PHACTR2: variants seen among roughly 807,000 people sequenced by gnomAD.
PHACTR2 encodes chromosome 6 open reading frame 56.
PHACTR2 carries 30 observed loss-of-function variants against 76.0 expected under a neutral mutation model. The ratio of observed to expected loss-of-function variants is 0.39; its 90% CI spans 0.30 to 0.54. PHACTR2 has a LOEUF of 0.54. Ranked by LOEUF, PHACTR2 falls within the 20% of genes least tolerant of loss-of-function variation. The probability of loss-of-function intolerance (pLI) is 0.61; values close to 1 mark genes in which losing one functional copy is unlikely to be tolerated. For missense variants in PHACTR2, 696 were observed against 781.1 expected, an observed-to-expected ratio of 0.89 and a Z score of 1.30; for synonymous variants, 292 against 292.5, an observed-to-expected ratio of 1.00 and a Z score of 0.02.
chr6:143,642,555 G>A (rs1309457644), intron 1 of PHACTR2, among the ~76,000 whole-genome samples: 3 of 152,188 alleles, frequency 2.0e-5, no homozygotes, highest in African/African-American at 7.2e-5. Flanking sequence ...CTAACCCGTA[G>A]TACCTCAGAA....
intron 2 of PHACTR2, among the ~76,000 whole-genome samples, chr6:143,723,667 G>A (rs984556143): frequency 6.6e-6 from 1 of 152,154 alleles, no homozygotes; most frequent in African/African-American, 2.4e-5. Context: ...AGGGTGTTGT[G>A]GGGAAAATCA....
In PHACTR2 at chr6:143,543,088, C is replaced by T. The variant is rs955961607; in HGVS notation, c.217+5881C>T. ...GATACTCAGAAAGGGTGTGGCAGGCCAGACACAGCAGTGTCTCTGGTGATC... is the reference window on the plus strand; with the variant it reads ...GATACTCAGAAAGGGTGTGGCAGGCTAGACACAGCAGTGTCTCTGGTGATC... On this transcript the variant is annotated intron_variant, in intron 1 of 11. Transcript: ENST00000367584. This position sits in a 1 kb window ranked among gnomAD's most constrained non-coding sequence, Gnocchi z 4.7. 3.9e-5 allele frequency among the ~76,000 whole-genome samples: 6 copies of T among 152,188 alleles called. No homozygotes were observed. Among genetic ancestry groups the T allele is most frequent in the African/African-American group, 1.4e-4 (6 of 41,434 alleles).
rs76432135 is a variant in PHACTR2 at position 143,621,349 on chromosome 6, C to T, written c.13+13027C>T. Reference sequence around the variant, plus strand: ...GGCGCGAATGAGTTCCTGTGGATCCCGAGCCCTCTCAGGCCTCCTCGGTGC... The same window carrying T: ...GGCGCGAATGAGTTCCTGTGGATCCTGAGCCCTCTCAGGCCTCCTCGGTGC... On this transcript the variant is annotated intron_variant, in intron 1 of 11. Transcript: ENST00000305766. This position sits in a 1 kb window ranked among gnomAD's most constrained non-coding sequence, Gnocchi z 4.1. Among the ~76,000 whole-genome samples, 1,264 of 152,286 alleles carry T rather than the reference C, an allele frequency of 8.3e-3. 24 individuals carry two copies. The East Asian group carries it at 0.091, about 11-fold the overall frequency.
In PHACTR2 at chr6:143,647,662, T is replaced by C. The variant is rs972609071; in HGVS notation, c.13+39340T>C. Among the ~76,000 whole-genome samples the C allele has an allele frequency of 6.6e-6, 1 of 152,156 alleles. No homozygotes were observed. Among genetic ancestry groups the C allele is most frequent in the African/African-American group, 2.4e-5 (1 of 41,426 alleles). On this transcript the variant is annotated intron_variant, in intron 1 of 11. Coordinates refer to the PHACTR2 transcript ENST00000305766. The surrounding 1 kb of genome is among the most constrained non-coding windows in gnomAD (Gnocchi z 4.2). ...CAGGGAAGGCCTCCGTGAGGATTTG[T>C]TAGCTGAAAGGAAACCTTGGTTGAA...
In PHACTR2 at chr6:143,585,280, A is replaced by C. The variant is rs561216275; in HGVS notation, c.217+48073A>C. 6.6e-6 allele frequency among the ~76,000 whole-genome samples: 1 copy of C among 152,134 alleles called. No individual in the cohort carries two copies. The highest frequency in any genetic ancestry group is 1.5e-5 in the Non-Finnish European group (1 of 68,028). On this transcript the variant is annotated intron_variant, in intron 1 of 11. Coordinates refer to the PHACTR2 transcript ENST00000367584. This position sits in a 1 kb window ranked among gnomAD's most constrained non-coding sequence, Gnocchi z 5.2. ...AGAAGGTGTTGGAAACCCAGCTAAG[A>C]AGTCACTGTCAGGAAGCAGGTCTGT...
intron 2 of PHACTR2, among the ~76,000 whole-genome samples, chr6:143,716,226 C>T (rs1778297850): frequency 6.6e-6 from 1 of 152,204 alleles, no homozygotes; most frequent in Non-Finnish European, 1.5e-5. Context: ...GGGTAAATCT[C>T]AGAGCATCCA....
chr6:143,685,393 C>G (rs1260522524), intron 1 of PHACTR2, among the ~76,000 whole-genome samples: 1 of 151,874 alleles, frequency 6.6e-6, no homozygotes, highest in Non-Finnish European at 1.5e-5. Flanking sequence ...AAGTCAGTAA[C>G]AAAAAGATAA....
intron 2 of PHACTR2, among the ~76,000 whole-genome samples, chr6:143,727,615 C>G (rs750884592): frequency 5.8e-5 from 7 of 121,566 alleles, no homozygotes; most frequent in Non-Finnish European, 1.0e-4. Context: ...TGAATCCTCA[C>G]CAACATCTGT....
At position 143,621,712 on chromosome 6, in the gene PHACTR2, G is replaced by C. The variant is rs547944651; in HGVS notation, c.13+13390G>C. On this transcript the variant is annotated intron_variant, in intron 1 of 11. Coordinates refer to the PHACTR2 transcript ENST00000305766. The surrounding 1 kb of genome is among the most constrained non-coding windows in gnomAD (Gnocchi z 4.1). Reference sequence around the variant, plus strand: ...ATGAGCCTCACTTTCCTCATCTGTAGTTTAGGGTTGATTGTACTTGGCTTG... The same window carrying C: ...ATGAGCCTCACTTTCCTCATCTGTACTTTAGGGTTGATTGTACTTGGCTTG... 8.5e-5 allele frequency among the ~76,000 whole-genome samples: 13 copies of C among 152,148 alleles called. No homozygotes were observed. Among genetic ancestry groups the C allele is most frequent in the Non-Finnish European group, 1.6e-4 (11 of 68,018 alleles).
chr6:143,810,859 T>A (rs545237715), intron 12 of PHACTR2, among the ~76,000 whole-genome samples: 1 of 152,264 alleles, frequency 6.6e-6, no homozygotes, highest in Non-Finnish European at 1.5e-5. Context: ...TGTGATCAAT[T>A]TTTTGGGTAG....
rs1480771254 is a variant in PHACTR2, at chr6:143,608,962, CT to C, written c.13+646del. On this transcript the variant is annotated intron_variant, in intron 1 of 11. Transcript: ENST00000305766. The surrounding 1 kb of genome is among the most constrained non-coding windows in gnomAD (Gnocchi z 4.6). ...ATTAGCATAAAATTATCAGGTGGAA[CT>C]TTTTTCTTTTTACTTTGCTGTATTG... 6.6e-6 allele frequency among the ~76,000 whole-genome samples: 1 copy of C among 152,112 alleles called. No individual in the cohort carries two copies. Among genetic ancestry groups the C allele is most frequent in the Non-Finnish European group, 1.5e-5 (1 of 68,014 alleles).
At chr6:143,593,046 CAAAAAA>C (rs67052242) in intron 1 of PHACTR2, among the ~76,000 whole-genome samples, 1 of 78,884 alleles carries the variant, frequency 1.3e-5, no homozygotes, top group African/African-American at 5.0e-5. Flanking sequence ...GACCCTGCCT[CAAAAAA>C]AAAAAAAAAA....
At chr6:143,559,700 T>A (rs1775237002) in intron 1 of PHACTR2, among the ~76,000 whole-genome samples, 1 of 89,438 alleles carries the variant, frequency 1.1e-5, no homozygotes, top group Non-Finnish European at 2.4e-5. Flanking sequence ...CTTTTTTTTT[T>A]TTTTTTTTTT....
intron 1 of PHACTR2, among the ~76,000 whole-genome samples, chr6:143,668,019 T>A (rs1168136486): frequency 6.6e-6 from 1 of 152,236 alleles, no homozygotes; most frequent in African/African-American, 2.4e-5. Flanking sequence ...TGTGGGTTTA[T>A]CATAAATAGC....
At chr6:143,805,944 A>G (rs1776053905) in intron 11 of PHACTR2, among the ~76,000 whole-genome samples, 1 of 152,126 alleles carries the variant, frequency 6.6e-6, no homozygotes, top group Non-Finnish European at 1.5e-5. Context: ...CCTAAAATGT[A>G]TTATTTTCCA....
intron 1 of PHACTR2, among the ~76,000 whole-genome samples, chr6:143,667,614 G>A (rs1271315172): frequency 1.3e-5 from 2 of 151,796 alleles, no homozygotes; most frequent in Non-Finnish European, 1.5e-5. Context: ...TGGATTCCTA[G>A]GTATTTTATT....
rs538388507 is a variant in PHACTR2, at chr6:143,547,035, TAA to T, written c.217+9839_217+9840del. 1.4e-5 allele frequency among the ~76,000 whole-genome samples: 2 copies of T among 142,854 alleles called. No individual in the cohort carries two copies. The highest frequency in any genetic ancestry group is 1.5e-5 in the Non-Finnish European group (1 of 64,840). 93.7% of individuals were successfully genotyped at this position (142,854 alleles called of 152,430 possible). A position where few individuals can be genotyped will look rare whatever the true frequency, so the allele number is the denominator to read the frequency against. Reference sequence around the variant, plus strand: ...CTGGGTAACAAAGTGTGACCCCATCTAAAAAAAAAAAAGAATATGGCTTATGG... The same window carrying T: ...CTGGGTAACAAAGTGTGACCCCATCTAAAAAAAAAAGAATATGGCTTATGG... On this transcript the variant is annotated intron_variant, in intron 1 of 11. Transcript: ENST00000367584. The surrounding 1 kb of genome is among the most constrained non-coding windows in gnomAD (Gnocchi z 4.2).
At chr6:143,538,293 T>C (rs1028036769) in intron 1 of PHACTR2, among the ~76,000 whole-genome samples, 1 of 152,232 alleles carries the variant, frequency 6.6e-6, no homozygotes, top group African/African-American at 2.4e-5. Flanking sequence ...CCTATCTCAG[T>C]ATTCAGAGTG....
At chr6:143,690,639 A>G (rs1366492888) in intron 1 of PHACTR2, among the ~76,000 whole-genome samples, 1 of 152,190 alleles carries the variant, frequency 6.6e-6, no homozygotes, top group African/African-American at 2.4e-5. Context: ...TTTTCCTTTT[A>G]TCTGGAAGAC....
Sources: gnomAD v4.1 joint callset for allele counts (sites outside exome capture counted in the v4.1 genomes callset) on GRCh38, gnomAD v4.1.1 for gene constraint, Gnocchi (gnomAD v3.1) non-coding constraint, MANE v1.5 for transcripts, NCBI Gene and HGNC (gene_info 2026-07-23, HGNC 2026-07-21) for gene names.